The following EPHA2 variants were observed in gnomAD, a reference collection of about 807,000 sequenced individuals.
EPHA2 encodes the protein ephrin type-A receptor 2.
EPHA2 carries 54 observed loss-of-function variants against 104.9 expected under a neutral mutation model. The ratio of observed to expected loss-of-function variants is 0.51; its 90% CI spans 0.41 to 0.65. EPHA2 has a LOEUF of 0.65. EPHA2 is among the 30% of genes least tolerant of loss of function. The pLI is 0.00. For missense variants in EPHA2, 1,117 were observed against 1,369.5 expected (o/e 0.82, Z 2.91); for synonymous variants, 560 against 559.1 (o/e 1.00, Z -0.02).
intron 3 of EPHA2, among the ~76,000 whole-genome samples, chr1:16,140,922 G>A (rs1277585876): frequency 1.3e-5 from 2 of 150,550 alleles, no homozygotes; most frequent in Non-Finnish European, 3.0e-5. Flanking sequence ...TTAGAGACGG[G>A]GTGTGTCTTT....
At position 16,137,842 on chromosome 1, in the gene EPHA2, C is replaced by G. The variant is rs760413072; in HGVS notation, c.1312+11G>C. On this transcript the variant is annotated intron_variant, in intron 5 of 16. Coordinates refer to ENST00000358432, the MANE Select transcript of EPHA2 (RefSeq NM_004431.5). ...GCCCCATAGGGCACAGCTGCCACCC[C>G]TGGACCTCACCTGTCTGGTTGATGC... 3 of 1,613,356 alleles carry G rather than the reference C, an allele frequency of 1.9e-6. No individual in the cohort carries two copies. The highest frequency in any genetic ancestry group is 2.7e-5 in the African/African-American group (2 of 74,936).
chr1:16,126,188 G>A (rs1189358704), intron 16 of EPHA2, among the ~76,000 whole-genome samples: 2 of 152,080 alleles, frequency 1.3e-5, no homozygotes, highest in Non-Finnish European at 2.9e-5. Context: ...CAGGGTACAC[G>A]CTCTCCTGGG....
Position 16,133,620 on chromosome 1 carries a change from G to A in EPHA2, c.1739-14C>T, listed in dbSNP as rs1218012011. 6.2e-7 allele frequency: 1 copy of A among 1,613,696 alleles called. No homozygotes were observed. The highest frequency in any genetic ancestry group is 1.7e-5 in the Admixed American group (1 of 60,018). On this transcript the variant is annotated splice_polypyrimidine_tract_variant and intron_variant, in intron 9 of 16. Transcript: ENST00000358432. ...GCTTCAGTTGTTCTGGAAGGAGAAG[G>A]GGTGGGGTCACAGGCAGCTCAGGAG...
rs1334592023 is a variant in EPHA2 at position 16,134,785 on chromosome 1, C to G, written c.1583-218G>C. Among the ~76,000 whole-genome samples the G allele has an allele frequency of 3.3e-5, 5 of 152,166 alleles. No individual in the cohort carries two copies. Among genetic ancestry groups the G allele is most frequent in the Non-Finnish European group, 7.4e-5 (5 of 68,022 alleles). On this transcript the variant is annotated intron_variant, in intron 7 of 16. Coordinates refer to ENST00000358432, the MANE Select transcript of EPHA2 (RefSeq NM_004431.5). The surrounding 1 kb of genome is among the most constrained non-coding windows in gnomAD (Gnocchi z 4.5). ...AGGTATGTGGGGCTCAAAGCTCTGG[C>G]TTTTTCTGAGATGCGGATTTGAACT...
intron 3 of EPHA2, among the ~76,000 whole-genome samples, chr1:16,138,909 C>T (rs11260744): frequency 0.15 from 22,699 of 152,090 alleles, 2,144 homozygotes; most frequent in African/African-American, 0.25. Flanking sequence ...TTGACTGTCA[C>T]CACCACCCTG....
intron 10 of EPHA2, 41 bp from the exon 11 acceptor site, chr1:16,133,409 C>G (rs111395424): frequency 1.2e-6 from 2 of 1,613,764 alleles, no homozygotes; most frequent in South Asian, 2.2e-5. Context: ...TGGTCAGCCC[C>G]GGCATGAGGG....
intron 3 of EPHA2, among the ~76,000 whole-genome samples, chr1:16,146,829 G>A (rs2024943208): frequency 1.3e-5 from 2 of 152,194 alleles, no homozygotes; most frequent in South Asian, 4.1e-4. Flanking sequence ...CCCCTCCAGG[G>A]GCTGCAGGAT....
At chr1:16,140,485 G>T (rs1321040931) in intron 3 of EPHA2, among the ~76,000 whole-genome samples, 2 of 152,168 alleles carry the variant, frequency 1.3e-5, no homozygotes, top group African/African-American at 4.8e-5. Flanking sequence ...CACTATTAGC[G>T]CTGGTTCCAC....
chr1:16,134,023 G>T lies in EPHA2; in HGVS notation c.1683-108C>A. The T allele has an allele frequency of 8.8e-7, 1 of 1,141,520 alleles. No homozygotes were observed. Among genetic ancestry groups the T allele is most frequent in the Non-Finnish European group, 1.2e-6 (1 of 811,792 alleles). The allele number at this position is 1,141,520 out of a possible 1,614,324, so 70.7% of individuals were successfully genotyped here. A position where few individuals can be genotyped will look rare whatever the true frequency, so the allele number is the denominator to read the frequency against. On this transcript the variant is annotated intron_variant, in intron 8 of 16. Coordinates refer to ENST00000358432, the MANE Select transcript of EPHA2 (RefSeq NM_004431.5). This position sits in a 1 kb window ranked among gnomAD's most constrained non-coding sequence, Gnocchi z 4.5. ...GTCCTAGGAGGACCTGGGGTGCTCA[G>T]AATGCGGCCCAGTCCCCGCTTTTGC...
Position 16,134,316 on chromosome 1 carries a change from A to G in EPHA2, c.1682+152T>C. 1 of 895,950 alleles carries G rather than the reference A, an allele frequency of 1.1e-6. No individual in the cohort carries two copies. The allele number at this position is 895,950 out of a possible 1,614,324, so 55.5% of individuals were successfully genotyped here. ...CCGCGTGCCAGGCACTTCGCTACAC[A>G]CTCTAACTCGTATATCCTCGCACCA... On this transcript the variant is annotated intron_variant, in intron 8 of 16. Transcript: ENST00000358432. This position sits in a 1 kb window ranked among gnomAD's most constrained non-coding sequence, Gnocchi z 4.5.
At position 16,150,851 on chromosome 1, in the gene EPHA2, G is replaced by T. The variant is rs2025020632; in HGVS notation, c.153+45C>A. Reference sequence around the variant, plus strand: ...GTTTCTCCATCTCTACAGGGGACCAGCAGCCCCATTCTCACACCTCTCCCC... The same window carrying T: ...GTTTCTCCATCTCTACAGGGGACCATCAGCCCCATTCTCACACCTCTCCCC... On this transcript the variant is annotated intron_variant, in intron 2 of 16. Coordinates refer to ENST00000358432, the MANE Select transcript of EPHA2 (RefSeq NM_004431.5). This position sits in a 1 kb window ranked among gnomAD's most constrained non-coding sequence, Gnocchi z 4.8. 2 of 1,602,208 alleles carry T rather than the reference G, an allele frequency of 1.2e-6. No individual in the cohort carries two copies. Among genetic ancestry groups the T allele is most frequent in the South Asian group, 1.1e-5 (1 of 90,838 alleles).
rs2024518228 is a variant in EPHA2, at chr1:16,128,866, T to C, written c.2825+568A>G. Among the ~76,000 whole-genome samples the C allele has an allele frequency of 6.6e-6, 1 of 152,102 alleles. No individual in the cohort carries two copies. Among genetic ancestry groups the C allele is most frequent in the African/African-American group, 2.4e-5 (1 of 41,438 alleles). Reference sequence around the variant, plus strand: ...GGGGTAGGCCAGGGGTTCTCTCTCCTGGGCAGCAGTCAGGGCATCTTGGAG... The same window carrying C: ...GGGGTAGGCCAGGGGTTCTCTCTCCCGGGCAGCAGTCAGGGCATCTTGGAG... On this transcript the variant is annotated intron_variant, in intron 16 of 16. Transcript: ENST00000358432. The surrounding 1 kb of genome is among the most constrained non-coding windows in gnomAD (Gnocchi z 4.7).
intron 16 of EPHA2, among the ~76,000 whole-genome samples, chr1:16,126,178 C>A (rs766367186): frequency 6.6e-6 from 1 of 152,166 alleles, no homozygotes; most frequent in Admixed American, 6.5e-5. Flanking sequence ...CCCACCCCCA[C>A]AGGGTACACG....
Position 16,134,971 on chromosome 1 carries a change from CA to C in EPHA2, c.1582+64del. The C allele has an allele frequency of 6.3e-7, 1 of 1,596,184 alleles. No homozygotes were observed. Among genetic ancestry groups the C allele is most frequent in the Admixed American group, 1.7e-5 (1 of 59,366 alleles). On this transcript the variant is annotated intron_variant, in intron 7 of 16. Transcript: ENST00000358432. The surrounding 1 kb of genome is among the most constrained non-coding windows in gnomAD (Gnocchi z 4.5). ...AAGTTATTTGATTCACTTCCTTTCCCAAGATGTCTCAATTGCTTGGTTCTGG... is the reference window on the plus strand; with the variant it reads ...AAGTTATTTGATTCACTTCCTTTCCCAGATGTCTCAATTGCTTGGTTCTGG...
In EPHA2 at chr1:16,125,220, T is replaced by C; in HGVS notation, c.2926A>G (p.Ile976Val). The stretch of plus-strand genomic sequence containing the variant: ...GCTCCAGGCCCTGTCGAGGCTCAGA[T>C]GGGGATCCCCACAGTGTTCACCTGG... The part of the protein sequence containing the change: ...KDQVNTVGIP[I>V] Residue 976 changes from isoleucine to valine, a missense_variant, in exon 17 of 17, where the codon ATC becomes GTC. Ile to Val is a conservative substitution (Grantham distance 29). Coordinates refer to ENST00000358432, the MANE Select transcript of EPHA2 (RefSeq NM_004431.5). This position sits in a 1 kb window ranked among gnomAD's most constrained non-coding sequence, Gnocchi z 4.9. The C allele has an allele frequency of 1.2e-6, 2 of 1,613,876 alleles. No individual in the cohort carries two copies. Among genetic ancestry groups the C allele is most frequent in the Non-Finnish European group, 1.7e-6 (2 of 1,179,952 alleles).
chr1:16,139,438 A>T (rs1159084371), intron 3 of EPHA2, among the ~76,000 whole-genome samples: 1 of 152,208 alleles, frequency 6.6e-6, no homozygotes, highest in East Asian at 1.9e-4. Context: ...CACCACACAC[A>T]CAATGATCCT....
intron 5 of EPHA2, among the ~76,000 whole-genome samples, chr1:16,136,712 A>AG (rs1491473562): frequency 4.2e-4 from 27 of 64,568 alleles, no homozygotes; most frequent in African/African-American, 2.1e-3. Context: ...GAAGAAGAAG[A>AG]AAAGAAGAAG....
chr1:16,137,130 G>A (rs2024727397), intron 5 of EPHA2, among the ~76,000 whole-genome samples: 1 of 152,036 alleles, frequency 6.6e-6, no homozygotes, highest in African/African-American at 2.4e-5. Flanking sequence ...CACTTTACAG[G>A]GGAGAACATT....
intron 1 of EPHA2, among the ~76,000 whole-genome samples, chr1:16,151,390 G>A (rs1369075096): frequency 6.6e-6 from 1 of 152,196 alleles, no homozygotes; most frequent in East Asian, 1.9e-4. Flanking sequence ...AGCACTTCAC[G>A]TGCATGTGGG....
Sources: allele counts gnomAD v4.1 joint callset (sites outside exome capture counted in the v4.1 genomes callset), GRCh38; gene constraint gnomAD v4.1.1; non-coding constraint Gnocchi (gnomAD v3.1); transcripts MANE v1.5; gene names NCBI Gene and HGNC (gene_info 2026-07-23, HGNC 2026-07-21).